The following ARHGAP5 variants were observed in gnomAD, a reference collection of about 807,000 sequenced individuals.
ARHGAP5 encodes rho GTPase-activating protein 5.
ARHGAP5 carries 23 observed loss-of-function variants against 116.6 expected under a neutral mutation model. That is an observed-to-expected ratio of 0.20 (90% CI 0.14 to 0.28). The LOEUF (loss-of-function observed/expected upper bound fraction) is 0.28, where lower values mean the gene tolerates loss of function less well. Among genes scored for constraint, ARHGAP5 ranks in the 10% least tolerant of loss-of-function variants. ARHGAP5 has a pLI of 1.00. For synonymous variants in ARHGAP5, 574 were observed against 602.0 expected, an observed-to-expected ratio of 0.95 and a Z score of 0.68; for missense variants, 1,405 against 1,774.8, an observed-to-expected ratio of 0.79 and a Z score of 3.74.
chr14:32,129,744 C>G (rs1318027964), intron 3 of ARHGAP5, among the ~76,000 whole-genome samples: 1 of 152,054 alleles, frequency 6.6e-6, no homozygotes, highest in Non-Finnish European at 1.5e-5. Flanking sequence ...ATTTCTCAAT[C>G]CATTTTTATG....
At chr14:32,141,955 A>T (rs1263806287) in intron 3 of ARHGAP5, among the ~76,000 whole-genome samples, 1 of 152,078 alleles carries the variant, frequency 6.6e-6, no homozygotes, top group African/African-American at 2.4e-5. Flanking sequence ...TTCTCTTCAG[A>T]CTGGATAATC....
At chr14:32,109,699 C>A (rs939286354) in intron 2 of ARHGAP5, among the ~76,000 whole-genome samples, 1 of 151,820 alleles carries the variant, frequency 6.6e-6, no homozygotes, top group Non-Finnish European at 1.5e-5. Flanking sequence ...ATTTTTCAGG[C>A]GTTTGAAACT....
intron 3 of ARHGAP5, among the ~76,000 whole-genome samples, chr14:32,129,864 A>G (rs148570423): frequency 4.9e-4 from 74 of 152,292 alleles, no homozygotes; most frequent in African/African-American, 1.6e-3. Context: ...AACAGGGGAT[A>G]TCATGGCTAT....
chr14:32,122,197 G>T (rs1879921695), intron 3 of ARHGAP5, among the ~76,000 whole-genome samples: 1 of 152,062 alleles, frequency 6.6e-6, no homozygotes, highest in Admixed American at 6.6e-5. Context: ...TTTTCTTTTT[G>T]ATTATAGTCA....
At chr14:32,143,483 A>T (rs1231928143) in intron 3 of ARHGAP5, among the ~76,000 whole-genome samples, 1 of 152,122 alleles carries the variant, frequency 6.6e-6, no homozygotes, top group Non-Finnish European at 1.5e-5. Context: ...TGACCTCGTG[A>T]TCCGCCCGCT....
At chr14:32,143,400 G>A (rs1459762330) in intron 3 of ARHGAP5, among the ~76,000 whole-genome samples, 1 of 151,946 alleles carries the variant, frequency 6.6e-6, no homozygotes, top group Non-Finnish European at 1.5e-5. Context: ...CCACCACCAC[G>A]CCTGGCTAAT....
intron 1 of ARHGAP5, among the ~76,000 whole-genome samples, chr14:32,084,336 A>G (rs528195900): frequency 6.6e-6 from 1 of 152,286 alleles, no homozygotes; most frequent in Admixed American, 6.5e-5. Context: ...TACTGTTTAT[A>G]TACCCCTATT....
At chr14:32,089,519 C>T (rs1296798373) in intron 1 of ARHGAP5, among the ~76,000 whole-genome samples, 1 of 151,776 alleles carries the variant, frequency 6.6e-6, no homozygotes, top group East Asian at 1.9e-4. Flanking sequence ...CAATTTATTA[C>T]CTACATGAAA....
At chr14:32,102,487 T>C (rs1475157775) in intron 2 of ARHGAP5, among the ~76,000 whole-genome samples, 3 of 152,194 alleles carry the variant, frequency 2.0e-5, no homozygotes, top group Non-Finnish European at 2.9e-5. Flanking sequence ...GAGTTTGAGA[T>C]TGCAGTGAAC....
In ARHGAP5 at chr14:32,156,195, A is replaced by G. The variant is rs1032955718; in HGVS notation, c.*1247A>G. On this transcript the variant is annotated 3_prime_UTR_variant, in exon 7 of 7. Transcript: ENST00000345122. ...GGGTAAACATTTTGTTAGTGAAGATAAAACCAGAACACTAAATTATGGATA... is the reference window on the plus strand; with the variant it reads ...GGGTAAACATTTTGTTAGTGAAGATGAAACCAGAACACTAAATTATGGATA... 2.0e-5 allele frequency: 3 copies of G among 152,484 alleles called. No individual in the cohort carries two copies. The highest frequency in any genetic ancestry group is 7.2e-5 in the African/African-American group (3 of 41,440). The allele number at this position is 152,484 out of a possible 1,614,324, so 9.4% of individuals were successfully genotyped here. A position where few individuals can be genotyped will look rare whatever the true frequency, so the allele number is the denominator to read the frequency against.
At chr14:32,089,230 A>G (rs115517535) in intron 1 of ARHGAP5, among the ~76,000 whole-genome samples, 2,141 of 152,068 alleles carry the variant, frequency 0.014, 55 homozygotes, top group African/African-American at 0.048. Context: ...TTAGTGTAAC[A>G]TATGTTCGGT....
chr14:32,077,627 C>T (rs74428616), intron 1 of ARHGAP5, among the ~76,000 whole-genome samples, 192 bp downstream of exon 1: 5,767 of 152,148 alleles, frequency 0.038, 140 homozygotes, highest in Middle Eastern at 0.058. Flanking sequence ...GCAGCTGCAG[C>T]GTTAGGGATA....
intron 2 of ARHGAP5, among the ~76,000 whole-genome samples, chr14:32,109,021 T>G (rs1053626413): frequency 6.6e-6 from 1 of 152,154 alleles, no homozygotes; most frequent in Non-Finnish European, 1.5e-5. Context: ...GCTTGATAGA[T>G]TGAATTCTAG....
chr14:32,153,145 T>G (rs1881721970), intron 6 of ARHGAP5, among the ~76,000 whole-genome samples: 1 of 150,980 alleles, frequency 6.6e-6, no homozygotes, highest in Non-Finnish European at 1.5e-5. Context: ...TGTTTAAAGC[T>G]TACTTTTTAC....
intron 1 of ARHGAP5, among the ~76,000 whole-genome samples, chr14:32,083,858 A>C (rs1249627716): frequency 6.6e-6 from 1 of 152,210 alleles, no homozygotes; most frequent in Non-Finnish European, 1.5e-5. Context: ...AGACACTGGA[A>C]GGAAGGTGAA....
intron 2 of ARHGAP5, among the ~76,000 whole-genome samples, chr14:32,097,295 T>C (rs1010827986): frequency 6.6e-6 from 1 of 152,198 alleles, no homozygotes; most frequent in African/African-American, 2.4e-5. Flanking sequence ...CATATCCATG[T>C]TGGATTTATA....
chr14:32,134,526 A>C (rs1242639047), intron 3 of ARHGAP5, among the ~76,000 whole-genome samples: 1 of 152,188 alleles, frequency 6.6e-6, no homozygotes, highest in Non-Finnish European at 1.5e-5. Flanking sequence ...GCTTAAGTGA[A>C]GCCCCATTAG....
chr14:32,141,388 A>G (rs915071818), intron 3 of ARHGAP5, among the ~76,000 whole-genome samples: 8 of 152,226 alleles, frequency 5.3e-5, no homozygotes, highest in Non-Finnish European at 1.0e-4. Context: ...AAAAGTGTAC[A>G]AAAACCGCTC....
At chr14:32,106,019 C>T (rs1423340642) in intron 2 of ARHGAP5, among the ~76,000 whole-genome samples, 2 of 152,206 alleles carry the variant, frequency 1.3e-5, no homozygotes, top group Admixed American at 6.5e-5. Context: ...TGTTGAAGGA[C>T]ATCAGGTCGT....
Sources: allele counts gnomAD v4.1 joint callset (sites outside exome capture counted in the v4.1 genomes callset), GRCh38; gene constraint gnomAD v4.1.1; transcripts MANE v1.5; gene names NCBI Gene and HGNC (gene_info 2026-07-23, HGNC 2026-07-21).